GRM8: variants seen among roughly 807,000 people sequenced by gnomAD.
The protein encoded by GRM8 is metabotropic glutamate receptor 8.
A neutral mutation model predicts 87.2 loss-of-function variants in GRM8; 47 were observed. The observed-to-expected ratio is 0.54, with a 90% CI of 0.43 to 0.69. The LOEUF is 0.69. GRM8 is among the 30% of genes least tolerant of loss of function. The pLI, the probability that GRM8 is intolerant of heterozygous loss-of-function variation, is 0.00. For synonymous variants in GRM8, 396 were observed against 404.5 expected (o/e 0.98, Z 0.25); for missense variants, 1,019 against 1,139.2 (o/e 0.89, Z 1.52).
At chr7:126,849,240 T>C (rs978287686) in intron 6 of GRM8, among the ~76,000 whole-genome samples, 14 of 152,144 alleles carry the variant, frequency 9.2e-5, no homozygotes, top group Non-Finnish European at 1.3e-4. Context: ...CTTGTCCCAT[T>C]ATAATTTTAC....
At chr7:127,236,374 G>A (rs1215527015) in intron 2 of GRM8, among the ~76,000 whole-genome samples, 1 of 152,150 alleles carries the variant, frequency 6.6e-6, no homozygotes, top group Non-Finnish European at 1.5e-5. Context: ...ATTTATAAAC[G>A]AAAGAGGTTT....
chr7:126,731,820 TAATA>T (rs1813615552), intron 7 of GRM8, among the ~76,000 whole-genome samples: 1 of 152,062 alleles, frequency 6.6e-6, no homozygotes, highest in Non-Finnish European at 1.5e-5. Context: ...CTATGATGTC[TAATA>T]AATATCCATA....
At chr7:126,689,242 A>G (rs1002992944) in intron 7 of GRM8, among the ~76,000 whole-genome samples, 5 of 152,076 alleles carry the variant, frequency 3.3e-5, no homozygotes, top group African/African-American at 7.2e-5. Context: ...ATTTCCCCCA[A>G]TAAAGCCTGT....
intron 7 of GRM8, among the ~76,000 whole-genome samples, chr7:126,762,169 A>C (rs1299572120): frequency 6.6e-6 from 1 of 152,174 alleles, no homozygotes; most frequent in Non-Finnish European, 1.5e-5. Context: ...ATGTAAAATA[A>C]ATAAATGATT....
intron 3 of GRM8, among the ~76,000 whole-genome samples, chr7:126,942,533 T>A (rs1323536223): frequency 1.3e-5 from 2 of 152,182 alleles, no homozygotes; most frequent in East Asian, 3.9e-4. Flanking sequence ...GATGGGTGGA[T>A]GTGGACGTTT....
chr7:126,869,389 A>G (rs992363392), intron 6 of GRM8: 2 of 152,192 alleles, frequency 1.3e-5, no homozygotes, highest in Admixed American at 1.3e-4. Context: ...ATTGTTCTTA[A>G]TGGCATCTAG....
At chr7:126,995,022 C>G (rs1246678740) in intron 3 of GRM8, among the ~76,000 whole-genome samples, 3 of 152,174 alleles carry the variant, frequency 2.0e-5, no homozygotes, top group Non-Finnish European at 4.4e-5. Context: ...CATGCCATCC[C>G]CAGCTCCAGG....
chr7:126,934,851 T>C (rs1806134946), intron 3 of GRM8, among the ~76,000 whole-genome samples: 1 of 152,212 alleles, frequency 6.6e-6, no homozygotes, highest in South Asian at 2.1e-4. Flanking sequence ...GTCAAAAGAT[T>C]GTGCAAAGCC....
intron 7 of GRM8, among the ~76,000 whole-genome samples, chr7:126,644,094 T>C (rs1236628503): frequency 6.6e-6 from 1 of 152,258 alleles, no homozygotes; most frequent in African/African-American, 2.4e-5. Flanking sequence ...TGGTGAATCT[T>C]ACATTAGATG....
intron 7 of GRM8, among the ~76,000 whole-genome samples, chr7:126,653,249 C>G (rs1348878214): frequency 7.0e-6 from 1 of 143,654 alleles, no homozygotes; most frequent in Non-Finnish European, 1.5e-5. Context: ...CTGCAGTGAG[C>G]TACGATTGCC....
intron 6 of GRM8, among the ~76,000 whole-genome samples, chr7:126,799,363 G>A (rs992752246): frequency 6.6e-6 from 1 of 152,148 alleles, no homozygotes; most frequent in African/African-American, 2.4e-5. Context: ...AGACAAATAA[G>A]AAGATGGCAA....
At chr7:126,967,619 A>C (rs1476779406) in intron 3 of GRM8, among the ~76,000 whole-genome samples, 2 of 152,104 alleles carry the variant, frequency 1.3e-5, no homozygotes, top group Admixed American at 1.3e-4. Flanking sequence ...GACTTTCATT[A>C]GGAAATCGTC....
chr7:126,919,069 G>T (rs1804221494), intron 3 of GRM8, among the ~76,000 whole-genome samples: 1 of 151,874 alleles, frequency 6.6e-6, no homozygotes, highest in Non-Finnish European at 1.5e-5. Context: ...GTGAAAAGCA[G>T]CTTAGCTTGT....
chr7:126,744,726 A>G (rs1343692819), intron 7 of GRM8, among the ~76,000 whole-genome samples: 1 of 151,966 alleles, frequency 6.6e-6, no homozygotes, highest in Non-Finnish European at 1.5e-5. Flanking sequence ...TGTTATGAAA[A>G]TACTCTTATG....
chr7:126,680,270 T>C (rs1807406606), intron 7 of GRM8, among the ~76,000 whole-genome samples: 2 of 152,084 alleles, frequency 1.3e-5, no homozygotes, highest in Admixed American at 6.5e-5. Flanking sequence ...GAGGTGAGAA[T>C]ATAAGCTCAC....
intron 7 of GRM8, among the ~76,000 whole-genome samples, chr7:126,665,132 G>A (rs866912681): frequency 2.6e-5 from 4 of 152,110 alleles, no homozygotes; most frequent in Middle Eastern, 3.4e-3. Context: ...GTAAGGCTGT[G>A]GAGAAAATAC....
intron 6 of GRM8, among the ~76,000 whole-genome samples, chr7:126,835,287 A>G (rs1795743984): frequency 6.6e-6 from 1 of 152,172 alleles, no homozygotes; most frequent in African/African-American, 2.4e-5. Flanking sequence ...TCCATACTGG[A>G]TTTATGCAAG....
chr7:127,230,879 A>G (rs572613305), intron 2 of GRM8, among the ~76,000 whole-genome samples: 19 of 152,328 alleles, frequency 1.2e-4, no homozygotes, highest in Middle Eastern at 3.4e-3. Flanking sequence ...AGCAGCCTAT[A>G]ACAGAGCTGA....
chr7:127,130,934 T>C (rs1337205045), intron 2 of GRM8, among the ~76,000 whole-genome samples: 1 of 152,166 alleles, frequency 6.6e-6, no homozygotes, highest in Admixed American at 6.5e-5. Flanking sequence ...GAACTGTGAG[T>C]CAATTAAACC....
Sources: allele counts gnomAD v4.1 joint callset (sites outside exome capture counted in the v4.1 genomes callset), GRCh38; gene constraint gnomAD v4.1.1; transcripts MANE v1.5; gene names NCBI Gene and HGNC (gene_info 2026-07-23, HGNC 2026-07-21).